The following CALN1 variants were observed in gnomAD, a reference collection of about 807,000 sequenced individuals.
CALN1 encodes calneuron 1, also known as calcium-binding protein 8.
A neutral mutation model predicts 30.6 loss-of-function variants in CALN1; 17 were observed. The ratio of observed to expected loss-of-function variants is 0.56; its 90% CI spans 0.38 to 0.83. The LOEUF is 0.83. CALN1 is among the 40% of genes least tolerant of loss of function. The pLI is 0.00. For synonymous variants in CALN1, 156 were observed against 131.4 expected (o/e 1.19, Z -1.28); for missense variants, 291 against 354.9 (o/e 0.82, Z 1.45).
chr7:71,995,191 C>A (rs555549183), intron 5 of CALN1, among the ~76,000 whole-genome samples: 2 of 152,284 alleles, frequency 1.3e-5, no homozygotes, highest in East Asian at 3.9e-4. Flanking sequence ...GGTTCTCTAC[C>A]TGCCCAGGGC....
At chr7:71,908,560 G>A (rs192457330) in intron 5 of CALN1, among the ~76,000 whole-genome samples, 1 of 152,166 alleles carries the variant, frequency 6.6e-6, no homozygotes, top group Non-Finnish European at 1.5e-5. Flanking sequence ...ACTGATTCAC[G>A]AGAAAAGTAG....
intron 1 of CALN1, among the ~76,000 whole-genome samples, chr7:72,408,930 A>G (rs369276981): frequency 1.1e-3 from 163 of 151,800 alleles, no homozygotes; most frequent in African/African-American, 3.9e-3. Context: ...TACCCACCTC[A>G]GCCTCCCAAA....
intron 3 of CALN1, among the ~76,000 whole-genome samples, chr7:72,219,350 T>C (rs946783787): frequency 2.6e-5 from 4 of 152,158 alleles, no homozygotes; most frequent in African/African-American, 4.8e-5. Flanking sequence ...TTCAGCCTAA[T>C]GAGCAGCTAG....
intron 2 of CALN1, among the ~76,000 whole-genome samples, chr7:72,289,885 C>T (rs1798355387): frequency 6.6e-6 from 1 of 151,714 alleles, no homozygotes; most frequent in Admixed American, 6.6e-5. Context: ...TCAAGACCAG[C>T]TGGGCAACAT....
intron 2 of CALN1, among the ~76,000 whole-genome samples, chr7:72,349,276 G>T (rs993553051): frequency 5.6e-5 from 8 of 142,576 alleles, no homozygotes; most frequent in Non-Finnish European, 1.1e-4. Flanking sequence ...CTGTAAACAC[G>T]CGTGCTTGTG....
chr7:72,327,031 C>T (rs988014624), intron 2 of CALN1, among the ~76,000 whole-genome samples: 2 of 152,206 alleles, frequency 1.3e-5, no homozygotes, highest in African/African-American at 4.8e-5. Flanking sequence ...TCTGCTGAAT[C>T]ACATGAGACT....
chr7:72,402,659 G>A (rs1806421392), intron 2 of CALN1, among the ~76,000 whole-genome samples: 2 of 152,290 alleles, frequency 1.3e-5, no homozygotes, highest in South Asian at 2.1e-4. Context: ...AAAAACCCAG[G>A]GAGGCCTGTG....
At chr7:71,993,273 A>G (rs1799054094) in intron 5 of CALN1, among the ~76,000 whole-genome samples, 1 of 152,018 alleles carries the variant, frequency 6.6e-6, no homozygotes, top group Non-Finnish European at 1.5e-5. Context: ...TATTTAAGTC[A>G]TTGTCAAGTT....
intron 3 of CALN1, among the ~76,000 whole-genome samples, chr7:72,114,022 G>A (rs181696802): frequency 4.2e-4 from 64 of 151,744 alleles, no homozygotes; most frequent in African/African-American, 1.4e-3. Context: ...ACTTTTCAGA[G>A]ATAGAGTGGA....
intron 3 of CALN1, among the ~76,000 whole-genome samples, chr7:72,158,518 T>G (rs1454536281): frequency 6.6e-6 from 1 of 152,188 alleles, no homozygotes; most frequent in Admixed American, 6.5e-5. Flanking sequence ...GAAACTCACT[T>G]TCACAGCCTT....
chr7:72,379,056 G>A (rs917574157), intron 2 of CALN1, among the ~76,000 whole-genome samples: 2 of 152,156 alleles, frequency 1.3e-5, no homozygotes, highest in Non-Finnish European at 2.9e-5. Flanking sequence ...ACTTGGTTGT[G>A]TTGGATTATC....
chr7:71,809,430 T>C (rs1405830122), intron 6 of CALN1, among the ~76,000 whole-genome samples: 2 of 125,628 alleles, frequency 1.6e-5, no homozygotes, highest in African/African-American at 6.3e-5. Flanking sequence ...ATGTGACAGC[T>C]TCCCAACTAT....
intron 2 of CALN1, among the ~76,000 whole-genome samples, chr7:72,302,790 G>C (rs749292734): frequency 4.1e-5 from 6 of 147,322 alleles, no homozygotes; most frequent in Admixed American, 7.0e-5. Flanking sequence ...AGCTACTAGG[G>C]AGACTGAGGC....
At chr7:71,846,936 T>C (rs923957351) in intron 5 of CALN1, among the ~76,000 whole-genome samples, 2 of 144,886 alleles carry the variant, frequency 1.4e-5, no homozygotes, top group South Asian at 2.1e-4. Flanking sequence ...TATATATACA[T>C]ATATGTATAT....
chr7:72,261,743 A>G (rs899987026), intron 3 of CALN1, among the ~76,000 whole-genome samples: 12 of 152,162 alleles, frequency 7.9e-5, no homozygotes, highest in Non-Finnish European at 1.8e-4. Flanking sequence ...TAGCAGCTTT[A>G]CAGGAAAAAA....
intron 3 of CALN1, among the ~76,000 whole-genome samples, chr7:72,192,563 G>C (rs1415725849): frequency 6.6e-6 from 1 of 152,004 alleles, no homozygotes; most frequent in Non-Finnish European, 1.5e-5. Context: ...GCCTGGAGCA[G>C]GGGCAGACTG....
intron 2 of CALN1, among the ~76,000 whole-genome samples, chr7:72,289,997 A>G (rs1312631730): frequency 1.4e-5 from 2 of 145,532 alleles, no homozygotes; most frequent in East Asian, 2.1e-4. Flanking sequence ...AGAATCGCTT[A>G]AGCCCAGAAG....
intron 5 of CALN1, among the ~76,000 whole-genome samples, chr7:71,968,426 C>G (rs1447549420): frequency 6.6e-6 from 1 of 152,088 alleles, no homozygotes; most frequent in African/African-American, 2.4e-5. Flanking sequence ...TTTGGAGTGA[C>G]AGAAATACTC....
intron 3 of CALN1, among the ~76,000 whole-genome samples, chr7:72,211,507 C>T (rs1167547582): frequency 6.6e-6 from 1 of 152,094 alleles, no homozygotes; most frequent in African/African-American, 2.4e-5. Flanking sequence ...AATGAACTTA[C>T]TCCTATCATA....
Sources: allele counts gnomAD v4.1 joint callset (sites outside exome capture counted in the v4.1 genomes callset), GRCh38; gene constraint gnomAD v4.1.1; transcripts MANE v1.5; gene names NCBI Gene and HGNC (gene_info 2026-07-23, HGNC 2026-07-21).